The following ESCO2 variants were observed in gnomAD, a reference collection of about 807,000 sequenced individuals.
ESCO2 encodes N-acetyltransferase ESCO2.
ESCO2 carries 51 observed loss-of-function variants against 61.7 expected under a neutral mutation model. The ratio of observed to expected loss-of-function variants is 0.83; its 90% confidence interval spans 0.66 to 1.04. The LOEUF is 1.04. Among genes scored for constraint, ESCO2 ranks in the 50% least tolerant of loss-of-function variants. The probability of loss-of-function intolerance (pLI) is 0.00; values close to 1 mark genes in which losing one functional copy is unlikely to be tolerated. For synonymous variants in ESCO2, 230 were observed against 238.2 expected, an observed-to-expected ratio of 0.97 and a Z score of 0.32; for missense variants, 692 against 686.2, an observed-to-expected ratio of 1.01 and a Z score of -0.09.
intron 7 of ESCO2, among the ~76,000 whole-genome samples, chr8:27,790,438 A>G (rs998022950): frequency 6.6e-6 from 1 of 152,294 alleles, no homozygotes; most frequent in Non-Finnish European, 1.5e-5. Flanking sequence ...TCGTTCCCCT[A>G]TCTATAGGCA....
Position 27,775,519 on chromosome 8 carries a change from C to T in ESCO2, c.5C>T (p.Ala2Val). 1 of 1,613,900 alleles carries T rather than the reference C, an allele frequency of 6.2e-7. No individual in the cohort carries two copies. Among genetic ancestry groups the T allele is most frequent in the Non-Finnish European group, 8.5e-7 (1 of 1,179,782 alleles). ...TTTAGGAATTCAATAAAGAAAATGG[C>T]AGCTCTTACTCCAAGGAAGAGGAAG... M[A>V]ALTPRKRKQD... Residue 2 changes from alanine (A) to valine (V), a missense_variant, in exon 2 of 11, where the codon GCA becomes GTA. Physicochemically the swap from Ala to Val is moderately conservative, Grantham distance 64. Coordinates refer to ENST00000305188, the MANE Select transcript of ESCO2 (RefSeq NM_001017420.3).
intron 8 of ESCO2, 71 bp from the exon 9 acceptor site, chr8:27,792,597 G>C: frequency 7.0e-7 from 1 of 1,435,718 alleles, no homozygotes; most frequent in Non-Finnish European, 9.6e-7. Flanking sequence ...TACATTCTGT[G>C]TATATAAATA....
chr8:27,807,516 T>C (rs1213061081), downstream of ESCO2, among the ~76,000 whole-genome samples: 1 of 152,216 alleles, frequency 6.6e-6, no homozygotes, highest in Non-Finnish European at 1.5e-5. Flanking sequence ...GAACTAGTTT[T>C]CTTTTGGACT....
intron 10 of ESCO2, 98 bp downstream of exon 10, chr8:27,799,814 C>A: frequency 7.2e-7 from 1 of 1,387,876 alleles, no homozygotes; most frequent in Non-Finnish European, 1.0e-6. Context: ...TGGTAAGATA[C>A]TTCAGTATAA....
chr8:27,802,292 G>A (rs1180030426), intron 10 of ESCO2, among the ~76,000 whole-genome samples: 2 of 151,430 alleles, frequency 1.3e-5, no homozygotes, highest in Non-Finnish European at 2.9e-5. Flanking sequence ...CTCAGTGGAT[G>A]TTTACATTGA....
intron 7 of ESCO2, among the ~76,000 whole-genome samples, chr8:27,789,837 C>G (rs1464314090): frequency 1.3e-5 from 2 of 149,774 alleles, no homozygotes; most frequent in African/African-American, 4.9e-5. Flanking sequence ...ATTCTACATA[C>G]TTCTGGAAAG....
At chr8:27,807,744 G>A (rs1421281638), downstream of ESCO2, among the ~76,000 whole-genome samples, 3 of 152,134 alleles carry the variant, frequency 2.0e-5, no homozygotes, top group African/African-American at 7.2e-5. Flanking sequence ...GAGGTACTAT[G>A]GTCTGAATGT....
chr8:27,792,625 A>G, intron 8 of ESCO2, 43 bp from the exon 9 acceptor site: 1 of 1,585,652 alleles, frequency 6.3e-7, no homozygotes, highest in Non-Finnish European at 8.6e-7. Context: ...TTTCTATTGT[A>G]CTTTTTAAAA....
intron 9 of ESCO2, among the ~76,000 whole-genome samples, chr8:27,797,758 A>G (rs1395297974): frequency 6.6e-6 from 1 of 152,200 alleles, no homozygotes; most frequent in Non-Finnish European, 1.5e-5. Flanking sequence ...AAAATATCCT[A>G]TAATATAACA....
At chr8:27,800,895 C>T (rs907159986) in intron 10 of ESCO2, among the ~76,000 whole-genome samples, 2 of 152,076 alleles carry the variant, frequency 1.3e-5, no homozygotes, top group African/African-American at 2.4e-5. Flanking sequence ...AAGAGGCAGG[C>T]AAATCCAGAG....
In ESCO2 at chr8:27,803,467, A is replaced by C. The variant is rs1439323667; in HGVS notation, c.*29A>C. 6.2e-7 allele frequency: 1 copy of C among 1,610,892 alleles called. No homozygotes were observed. Among genetic ancestry groups the C allele is most frequent in the African/African-American group, 1.3e-5 (1 of 74,936 alleles). On this transcript the variant is annotated 3_prime_UTR_variant, in exon 11 of 11. Transcript: ENST00000305188. ...TGATTTCAGTTATAAAGGAGTTACT[A>C]TCTGGATAAGTTCAAAGAGCTCCTT...
In ESCO2 at chr8:27,776,459, C is replaced by T. The variant is rs1473541902; in HGVS notation, c.151C>T (p.Gln51Ter). The change falls in exon 3 of 11, where the codon CAA (glutamine) becomes TAA (stop). Residue 51 changes from glutamine to a stop codon, truncating the protein, a stop_gained. Transcript: ENST00000305188. LOFTEE classifies it high-confidence loss of function. The part of the protein sequence containing the change: ...DKNEENLHCS[Q>*]QEHFVLSALK... Reference sequence around the variant, plus strand: ...AAATGAAGAAAACCTGCATTGCTCTCAACAAGAGCATTTTGTTTTAAGTGC... The same window carrying T: ...AAATGAAGAAAACCTGCATTGCTCTTAACAAGAGCATTTTGTTTTAAGTGC... 4.3e-6 allele frequency: 7 copies of T among 1,611,404 alleles called. No homozygotes were observed. The highest frequency in any genetic ancestry group is 5.9e-6 in the Non-Finnish European group (7 of 1,179,082).
At chr8:27,793,472 T>C (rs1805223810) in intron 9 of ESCO2, among the ~76,000 whole-genome samples, 1 of 143,218 alleles carries the variant, frequency 7.0e-6, no homozygotes, top group African/African-American at 2.6e-5. Flanking sequence ...CAATTTTCTT[T>C]TTCTTTGTTT....
At chr8:27,792,090 A>AC in intron 8 of ESCO2, 38 bp downstream of exon 8, 2 of 1,602,722 alleles carry the variant, frequency 1.2e-6, no homozygotes, top group Non-Finnish European at 8.5e-7. Flanking sequence ...GCCTTTCCCC[A>AC]CCCCCAAGAA....
At chr8:27,811,732 G>A (rs1200197854), downstream of ESCO2, among the ~76,000 whole-genome samples, 2 of 152,138 alleles carry the variant, frequency 1.3e-5, no homozygotes, top group African/African-American at 2.4e-5. Context: ...GATCAATTTA[G>A]TAAGCATTAA....
chr8:27,776,215 C>A, intron 2 of ESCO2, 147 bp from the exon 3 acceptor site: 1 of 636,602 alleles, frequency 1.6e-6, no homozygotes, highest in Non-Finnish European at 2.7e-6. Context: ...TTTGAGAATC[C>A]TACTGTTAAA....
Position 27,805,175 on chromosome 8 carries a change from G to A in ESCO2, c.*1737G>A, listed in dbSNP as rs1267975377. The A allele has an allele frequency of 3.1e-5, 4 of 127,170 alleles. 1 individual carries two copies. Among genetic ancestry groups the A allele is most frequent in the African/African-American group, 1.2e-4 (4 of 32,176 alleles). The allele number at this position is 127,170 out of a possible 1,614,324, so 7.9% of individuals were successfully genotyped here. A position where few individuals can be genotyped will look rare whatever the true frequency, so the allele number is the denominator to read the frequency against. On this transcript the variant is annotated 3_prime_UTR_variant, in exon 11 of 11. Coordinates refer to ENST00000305188, the MANE Select transcript of ESCO2 (RefSeq NM_001017420.3). ...CGGGCGCCTGTAGTCCCAGCTACTC[G>A]GGAGGCTGAGGCAGGAGAATGGCGT...
At chr8:27,818,916 A>G in the ESCO2 span, among the ~76,000 whole-genome samples, 1 of 152,158 alleles carries the variant, frequency 6.6e-6, no homozygotes, top group African/African-American at 2.4e-5. Context: ...GATAGAAAAC[A>G]GCTGTGTTTT....
intron 9 of ESCO2, among the ~76,000 whole-genome samples, chr8:27,798,219 G>T (rs1007860661): frequency 6.6e-6 from 1 of 152,162 alleles, no homozygotes; most frequent in African/African-American, 2.4e-5. Flanking sequence ...TAGCACTTTG[G>T]GAGGCCAAGG....
Sources: gnomAD v4.1 joint callset for allele counts (sites outside exome capture counted in the v4.1 genomes callset) on GRCh38, gnomAD v4.1.1 for gene constraint, MANE v1.5 for transcripts, NCBI Gene and HGNC (gene_info 2026-07-23, HGNC 2026-07-21) for gene names.